The following PRRC2C variants were observed in gnomAD, a reference collection of about 807,000 sequenced individuals.
The protein encoded by PRRC2C is protein PRRC2C.
Under a neutral mutation model 317.2 loss-of-function variants are expected in PRRC2C, and 72 were observed. That is an observed-to-expected ratio of 0.23 (90% CI 0.19 to 0.28). PRRC2C has a LOEUF of 0.28. Among genes scored for constraint, PRRC2C ranks in the 10% least tolerant of loss-of-function variants. The probability of loss-of-function intolerance (pLI) is 1.00; values close to 1 mark genes in which losing one functional copy is unlikely to be tolerated. For synonymous variants in PRRC2C, 1,296 were observed against 1,205.9 expected (o/e 1.07, Z -1.55); for missense variants, 3,074 against 3,459.7 (o/e 0.89, Z 2.80).
intron 28 of PRRC2C, among the ~76,000 whole-genome samples, chr1:171,581,400 AG>A (rs1648554954): frequency 6.6e-6 from 1 of 152,242 alleles, no homozygotes; most frequent in East Asian, 1.9e-4. Context: ...GTGATTAATT[AG>A]TAATGTTTTC....
chr1:171,584,072 G>A lies in PRRC2C; in HGVS notation c.7526G>A (p.Gly2509Asp), dbSNP rs765282458. 12 of 1,613,846 alleles carry A rather than the reference G, an allele frequency of 7.4e-6. No individual in the cohort carries two copies. The highest frequency in any genetic ancestry group is 1.6e-4 in the Middle Eastern group (1 of 6,062). The change falls in exon 29 of 35, where the codon GGT becomes GAT. Residue 2509 changes from glycine to aspartate, a missense_variant. By Grantham distance (94) the Gly-to-Asp change is moderately conservative (BLOSUM62 -1). Coordinates refer to ENST00000647382, the MANE Select transcript of PRRC2C (RefSeq NM_001387844.1). ...CAAGAACTTGCCAAGGCACAATCCG[G>A]TCTTGCCTTTCAGCAAACATCAAAT... is the stretch of plus-strand genomic sequence containing the variant. ...QHQELAKAQS[G>D]LAFQQTSNTQ... is the part of the protein sequence containing the mutation.
chr1:171,546,116 G>T (rs1202552538), intron 17 of PRRC2C, among the ~76,000 whole-genome samples: 1 of 152,114 alleles, frequency 6.6e-6, no homozygotes, highest in Non-Finnish European at 1.5e-5. Context: ...CTAAGATGTG[G>T]CAAATACAGA....
chr1:171,546,630 TACTC>T (rs1679167825), intron 17 of PRRC2C, among the ~76,000 whole-genome samples: 1 of 152,172 alleles, frequency 6.6e-6, no homozygotes, highest in Admixed American at 6.5e-5. Context: ...GACAGAGACT[TACTC>T]TGTTGCCCAG....
intron 16 of PRRC2C, among the ~76,000 whole-genome samples, chr1:171,542,962 G>T (rs951540056): frequency 6.6e-6 from 1 of 151,146 alleles, no homozygotes; most frequent in Non-Finnish European, 1.5e-5. Context: ...GGGTTTCACT[G>T]TGTTAGCCAG....
At chr1:171,559,006 C>G (rs1682026194) in intron 19 of PRRC2C, among the ~76,000 whole-genome samples, 1 of 152,144 alleles carries the variant, frequency 6.6e-6, no homozygotes, top group African/African-American at 2.4e-5. Flanking sequence ...TTCCCTTAAC[C>G]CAAAGCCTAA....
chr1:171,514,516 G>A lies in PRRC2C; in HGVS notation c.291-20G>A, dbSNP rs1310997811. 1.3e-6 allele frequency: 2 copies of A among 1,513,346 alleles called. No homozygotes were observed. The allele number at this position is 1,513,346 out of a possible 1,614,324, so 93.7% of individuals were successfully genotyped here. Reference sequence around the variant, plus strand: ...TAAACATACAGTATCTGAAATAATGGATTCATATTTTTTTTTAAGAACACC... The same window carrying A: ...TAAACATACAGTATCTGAAATAATGAATTCATATTTTTTTTTAAGAACACC... On this transcript the variant is annotated intron_variant, in intron 3 of 34. Transcript: ENST00000647382.
intron 25 of PRRC2C, among the ~76,000 whole-genome samples, chr1:171,576,470 T>C (rs1464615234): frequency 6.6e-6 from 1 of 152,220 alleles, no homozygotes; most frequent in East Asian, 1.9e-4. Flanking sequence ...TGACAACTTA[T>C]ACATTACTTT....
Position 171,584,225 on chromosome 1 carries a change from T to C in PRRC2C, c.7641+38T>C, listed in dbSNP as rs757442228. On this transcript the variant is annotated intron_variant, in intron 29 of 34. Transcript: ENST00000647382. ...ACTAGAGCAATGCACCCTCATTGTATTCCTATGCCACAGATCATTTTAAGG... is the reference window on the plus strand; with the variant it reads ...ACTAGAGCAATGCACCCTCATTGTACTCCTATGCCACAGATCATTTTAAGG... 6.0e-6 allele frequency: 9 copies of C among 1,511,116 alleles called. No individual in the cohort carries two copies. The South Asian group carries it at 9.3e-5, about 16-fold the overall frequency. 93.6% of individuals were successfully genotyped at this position (1,511,116 alleles called of 1,614,324 possible).
At chr1:171,486,736 C>A (rs1295493487) in intron 1 of PRRC2C, among the ~76,000 whole-genome samples, 1 of 152,120 alleles carries the variant, frequency 6.6e-6, no homozygotes, top group East Asian at 1.9e-4. Context: ...ATTTGGAATG[C>A]ACCAGAAGAA....
Position 171,557,605 on chromosome 1 carries a change from CTCT to C in PRRC2C, c.5499_5501del (p.Ser1834del). ...CCTCTACTTCAGCTGCAGCTATAAC[CTCT>C]TCTTCAGCTCCAGCCTCAGCCCCAG... On this transcript the variant is annotated inframe_deletion, in exon 19 of 35. Coordinates refer to ENST00000647382, the MANE Select transcript of PRRC2C (RefSeq NM_001387844.1). 6.4e-7 allele frequency: 1 copy of C among 1,551,690 alleles called. No individual in the cohort carries two copies. The highest frequency in any genetic ancestry group is 8.7e-7 in the Non-Finnish European group (1 of 1,146,982).
At chr1:171,506,528 A>C (rs192235855) in intron 1 of PRRC2C, among the ~76,000 whole-genome samples, 1 of 149,586 alleles carries the variant, frequency 6.7e-6, no homozygotes, top group Admixed American at 6.6e-5. Context: ...TCACTTTCTC[A>C]AGCCCCTCTA....
chr1:171,486,540 T>G (rs1666156582), intron 1 of PRRC2C, among the ~76,000 whole-genome samples: 1 of 152,112 alleles, frequency 6.6e-6, no homozygotes, highest in Non-Finnish European at 1.5e-5. Context: ...TACCTTTAAT[T>G]TAAAGGGATG....
chr1:171,524,309 A>G (rs753474421), intron 9 of PRRC2C, among the ~76,000 whole-genome samples: 10 of 152,208 alleles, frequency 6.6e-5, no homozygotes, highest in Non-Finnish European at 1.5e-4. Context: ...TGGGTTATAT[A>G]TCATAAAAGT....
In PRRC2C at chr1:171,524,754, C is replaced by A. The variant is rs1040425454; in HGVS notation, c.1056-67C>A. 6.7e-5 allele frequency: 95 copies of A among 1,419,290 alleles called. No individual in the cohort carries two copies. The Middle Eastern group carries it at 1.8e-3, about 28-fold the overall frequency. The allele number at this position is 1,419,290 out of a possible 1,614,324, so 87.9% of individuals were successfully genotyped here. ...CATACAGAAATAATTTTTTTAATTG[C>A]AAAAATAATGTGTGTACTTATGATA... On this transcript the variant is annotated intron_variant, in intron 9 of 34. Transcript: ENST00000647382.
At chr1:171,525,494 G>A (rs1408132116) in intron 10 of PRRC2C, among the ~76,000 whole-genome samples, 1 of 152,166 alleles carries the variant, frequency 6.6e-6, no homozygotes, top group Admixed American at 6.5e-5. Context: ...GAATAAAAAG[G>A]ACTACTTTCA....
At position 171,522,178 on chromosome 1, in the gene PRRC2C, T is replaced by C; in HGVS notation, c.752T>C (p.Met251Thr). ...SQYRAMMPPY[M>T]FQQYPRMTYP... ...CAATTTTTTGTTTCCTTCATTCAGA[T>C]GTTCCAACAGTATCCGAGGATGACA... The change falls in exon 7 of 35, where the codon ATG becomes ACG. Residue 251 changes from methionine (M) to threonine (T), a missense_variant and splice_region_variant. This residue lies in a region of PRRC2C where 237 missense variants were observed against 199.5 expected (regional missense o/e 1.19). Transcript: ENST00000647382. 1 of 1,543,718 alleles carries C rather than the reference T, an allele frequency of 6.5e-7. No individual in the cohort carries two copies. Among genetic ancestry groups the C allele is most frequent in the Non-Finnish European group, 8.8e-7 (1 of 1,134,656 alleles).
chr1:171,520,392 A>C (rs1243765013), intron 6 of PRRC2C, among the ~76,000 whole-genome samples: 1 of 152,142 alleles, frequency 6.6e-6, no homozygotes, highest in Non-Finnish European at 1.5e-5. Context: ...TTCATGTGAG[A>C]GGGTAGGATA....
chr1:171,518,198 T>TG (rs1672739539), intron 6 of PRRC2C, among the ~76,000 whole-genome samples: 2 of 152,234 alleles, frequency 1.3e-5, no homozygotes, highest in Non-Finnish European at 2.9e-5. Flanking sequence ...GACCCATAGA[T>TG]AATGATCTAA....
At chr1:171,569,494 T>C (rs1684305429) in intron 23 of PRRC2C, among the ~76,000 whole-genome samples, 1 of 148,886 alleles carries the variant, frequency 6.7e-6, no homozygotes, top group Admixed American at 6.7e-5. Context: ...TTTCTTGGTG[T>C]TGAGAGCTCT....
Sources: allele counts gnomAD v4.1 joint callset (sites outside exome capture counted in the v4.1 genomes callset), GRCh38; gene constraint gnomAD v4.1.1; regional missense constraint gnomAD v4.1.1; transcripts MANE v1.5; gene names NCBI Gene and HGNC (gene_info 2026-07-23, HGNC 2026-07-21).